The following PLCZ1 variants were observed in gnomAD, a reference collection of about 807,000 sequenced individuals.
PLCZ1 encodes the protein phospholipase C zeta 1, also known as 1-phosphatidylinositol 4,5-bisphosphate phosphodiesterase zeta-1.
In PLCZ1, 64 loss-of-function variants were observed where a neutral mutation model predicts 76.8. That is an observed-to-expected ratio of 0.83 (90% CI 0.68 to 1.03). PLCZ1 has a LOEUF of 1.03. PLCZ1 is among the 50% of genes least tolerant of loss of function. The pLI, the probability that PLCZ1 is intolerant of heterozygous loss-of-function variation, is 0.00. For synonymous variants in PLCZ1, 248 were observed against 230.8 expected (o/e 1.07, Z -0.68); for missense variants, 751 against 713.7 (o/e 1.05, Z -0.60).
At chr12:18,737,325 G>C in intron 2 of PLCZ1, 36 bp downstream of exon 2, 1 of 1,600,254 alleles carries the variant, frequency 6.2e-7, no homozygotes, top group Non-Finnish European at 8.6e-7. Context: ...GTAGGAGAAA[G>C]AAGAAGAGGA....
intron 3 of PLCZ1, among the ~76,000 whole-genome samples, chr12:18,730,010 G>C (rs769678902): frequency 6.6e-6 from 1 of 151,994 alleles, no homozygotes; most frequent in African/African-American, 2.4e-5. Flanking sequence ...CTAGTACTAG[G>C]TATATTCATA....
chr12:18,655,052 AAT>A, the PLCZ1 span, among the ~76,000 whole-genome samples: 1 of 56,366 alleles, frequency 1.8e-5, no homozygotes, highest in South Asian at 4.9e-4. Context: ...CAGAAACAAT[AAT>A]AAAAAAAAAT....
intron 6 of PLCZ1, among the ~76,000 whole-genome samples, chr12:18,705,695 A>G (rs1224194115): frequency 6.6e-6 from 1 of 150,770 alleles, no homozygotes; most frequent in Admixed American, 6.6e-5. Flanking sequence ...GTGAAACCCC[A>G]TCTCTACTAA....
chr12:18,735,231 T>C (rs1180969301), intron 3 of PLCZ1, among the ~76,000 whole-genome samples: 4 of 152,236 alleles, frequency 2.6e-5, no homozygotes, highest in Admixed American at 6.5e-5. Context: ...GTGGTGCCTT[T>C]GTCCAGCTTT....
intron 3 of PLCZ1, among the ~76,000 whole-genome samples, chr12:18,728,185 T>C (rs188397831): frequency 2.6e-5 from 4 of 152,292 alleles, no homozygotes; most frequent in Admixed American, 6.5e-5. Context: ...CAATATGCTA[T>C]AGAAGAAAGT....
At chr12:18,709,602 C>T (rs1957049574) in intron 6 of PLCZ1, among the ~76,000 whole-genome samples, 1 of 151,824 alleles carries the variant, frequency 6.6e-6, no homozygotes, top group Non-Finnish European at 1.5e-5. Context: ...TACACTGTAG[C>T]CTAGTATAGT....
At chr12:18,688,908 G>A (rs1377617329) in intron 12 of PLCZ1, among the ~76,000 whole-genome samples, 2 of 151,324 alleles carry the variant, frequency 1.3e-5, no homozygotes, top group Non-Finnish European at 2.9e-5. Context: ...AATTTCTGAA[G>A]GTTACATAAG....
At chr12:18,704,553 C>G (rs923813960) in intron 7 of PLCZ1, among the ~76,000 whole-genome samples, 2 of 152,000 alleles carry the variant, frequency 1.3e-5, no homozygotes, top group African/African-American at 4.8e-5. Context: ...TTGTGAACTC[C>G]TAACCTCAGG....
At chr12:18,649,853 T>C in the PLCZ1 span, among the ~76,000 whole-genome samples, 4 of 152,142 alleles carry the variant, frequency 2.6e-5, no homozygotes, top group African/African-American at 4.8e-5. Flanking sequence ...CTTTTAGTTA[T>C]AGTTTAGTTT....
the PLCZ1 span, among the ~76,000 whole-genome samples, chr12:18,660,947 T>A: frequency 1.3e-5 from 2 of 151,752 alleles, no homozygotes; most frequent in African/African-American, 4.8e-5. Context: ...AATAAAAAGA[T>A]CAATAAAAAT....
chr12:18,679,409 G>A (rs186947273), downstream of PLCZ1, among the ~76,000 whole-genome samples: 1 of 152,062 alleles, frequency 6.6e-6, no homozygotes, highest in African/African-American at 2.4e-5. Context: ...TCTTCTAGAA[G>A]TTTCATAACT....
intron 9 of PLCZ1, among the ~76,000 whole-genome samples, chr12:18,701,208 C>T (rs935814836): frequency 4.6e-5 from 7 of 152,056 alleles, no homozygotes; most frequent in African/African-American, 1.7e-4. Context: ...TGATCTCAAA[C>T]TCCTGACTTC....
At chr12:18,661,764 T>G in the PLCZ1 span, among the ~76,000 whole-genome samples, 1 of 152,052 alleles carries the variant, frequency 6.6e-6, no homozygotes, top group Non-Finnish European at 1.5e-5. Context: ...AGAACTACCA[T>G]TGACCCAGCA....
At chr12:18,689,603 T>A (rs965372348) in intron 12 of PLCZ1, among the ~76,000 whole-genome samples, 1 of 152,152 alleles carries the variant, frequency 6.6e-6, no homozygotes, top group African/African-American at 2.4e-5. Flanking sequence ...ATTAACAAAT[T>A]TGTTTGTACA....
chr12:18,667,025 G>C, the PLCZ1 span, among the ~76,000 whole-genome samples: 2 of 152,162 alleles, frequency 1.3e-5, no homozygotes, highest in Non-Finnish European at 2.9e-5. Context: ...CAATAATGGT[G>C]TAGGCTATAT....
the PLCZ1 span, among the ~76,000 whole-genome samples, chr12:18,665,739 A>T: frequency 6.6e-6 from 1 of 152,092 alleles, no homozygotes; most frequent in African/African-American, 2.4e-5. Flanking sequence ...GATCGAGACC[A>T]TCCTGGACCA....
intron 7 of PLCZ1, among the ~76,000 whole-genome samples, chr12:18,702,204 TATC>T (rs1346206965): frequency 6.6e-6 from 1 of 152,130 alleles, no homozygotes; most frequent in African/African-American, 2.4e-5. Context: ...TTAAAATGTC[TATC>T]ATAAGTGTCT....
rs553017776 is a variant in PLCZ1, at chr12:18,703,624, T to C, written c.864+1542A>G. 6.6e-5 allele frequency among the ~76,000 whole-genome samples: 10 copies of C among 152,312 alleles called. No homozygotes were observed. The South Asian group carries it at 1.9e-3, about 28-fold the overall frequency. Reference sequence around the variant, plus strand: ...AATGTTAAGCAAACCCCTTAGAGTGTAATCAACCGTAGCCAATCAAATCTT... The same window carrying C: ...AATGTTAAGCAAACCCCTTAGAGTGCAATCAACCGTAGCCAATCAAATCTT... On this transcript the variant is annotated intron_variant, in intron 7 of 14. Coordinates refer to ENST00000266505, the MANE Select transcript of PLCZ1 (RefSeq NM_033123.4).
chr12:18,715,432 C>T (rs960660648), intron 5 of PLCZ1, among the ~76,000 whole-genome samples: 15 of 151,044 alleles, frequency 9.9e-5, no homozygotes, highest in African/African-American at 3.6e-4. Flanking sequence ...GACAGAGTCT[C>T]GCTCTGTCGC....
Sources: gnomAD v4.1 joint callset for allele counts (sites outside exome capture counted in the v4.1 genomes callset) on GRCh38, gnomAD v4.1.1 for gene constraint, MANE v1.5 for transcripts, NCBI Gene and HGNC (gene_info 2026-07-23, HGNC 2026-07-21) for gene names.